The following KLHL32 variants were observed in gnomAD, a reference collection of about 807,000 sequenced individuals.
The protein encoded by KLHL32 is kelch-like protein 32.
Under a neutral mutation model 64.8 loss-of-function variants are expected in KLHL32, and 35 were observed. The ratio of observed to expected loss-of-function variants is 0.54; its 90% CI spans 0.41 to 0.72. KLHL32 has a LOEUF of 0.72. Ranked by LOEUF, KLHL32 falls within the 30% of genes least tolerant of loss-of-function variation. The probability of loss-of-function intolerance (pLI) is 0.00; values close to 1 mark genes in which losing one functional copy is unlikely to be tolerated. For synonymous variants in KLHL32, 259 were observed against 281.0 expected, an observed-to-expected ratio of 0.92 and a Z score of 0.78; for missense variants, 589 against 768.5, an observed-to-expected ratio of 0.77 and a Z score of 2.76.
chr6:97,112,350 T>C (rs777696649), intron 6 of KLHL32, among the ~76,000 whole-genome samples: 2 of 152,210 alleles, frequency 1.3e-5, no homozygotes, highest in Non-Finnish European at 2.9e-5. Context: ...TACTTCATTA[T>C]GCTGGTGTGT....
the KLHL32 span, among the ~76,000 whole-genome samples, chr6:96,909,259 A>C: frequency 6.6e-6 from 1 of 152,234 alleles, no homozygotes; most frequent in African/African-American, 2.4e-5. Flanking sequence ...AGAGATAGAC[A>C]GAAAAAAGAT....
chr6:97,057,172 C>CTTTTTTTTTTTTTTTTTT (rs199552121), intron 4 of KLHL32, among the ~76,000 whole-genome samples: 1 of 65,016 alleles, frequency 1.5e-5, no homozygotes, highest in African/African-American at 8.8e-5. Context: ...ATGTGAGTAT[C>CTTTTTTTTTTTTTTTTTT]TTTTTTTTTT....
chr6:96,907,996 G>T, the KLHL32 span, among the ~76,000 whole-genome samples: 1 of 152,212 alleles, frequency 6.6e-6, no homozygotes. Context: ...ACACCTGGGG[G>T]AAAAGAGTTC....
chr6:96,934,096 G>C (rs1337643720), intron 1 of KLHL32, among the ~76,000 whole-genome samples: 1 of 152,166 alleles, frequency 6.6e-6, no homozygotes, highest in East Asian at 1.9e-4. Flanking sequence ...CTCTGATACT[G>C]CTTTTGACTG....
chr6:96,992,456 A>G (rs1385617792), intron 3 of KLHL32, among the ~76,000 whole-genome samples: 1 of 151,522 alleles, frequency 6.6e-6, no homozygotes, highest in Non-Finnish European at 1.5e-5. Flanking sequence ...TTTACTCACT[A>G]CTCTCTTCTC....
chr6:96,918,525 T>A, the KLHL32 span, among the ~76,000 whole-genome samples: 1 of 152,208 alleles, frequency 6.6e-6, no homozygotes, highest in African/African-American at 2.4e-5. Flanking sequence ...AAGTGTCAGG[T>A]ACATTAATCT....
chr6:97,024,975 C>T, intron 3 of KLHL32: 1 of 984,160 alleles, frequency 1.0e-6, no homozygotes, highest in Non-Finnish European at 1.2e-6. Flanking sequence ...AATTTGCATT[C>T]ATGCTTATTT....
chr6:97,087,963 T>C (rs1393035063), intron 6 of KLHL32, among the ~76,000 whole-genome samples: 1 of 152,158 alleles, frequency 6.6e-6, no homozygotes, highest in Non-Finnish European at 1.5e-5. Flanking sequence ...ACCTGTAAAA[T>C]ACCCCAAGAT....
chr6:97,079,486 T>A (rs547428047), intron 5 of KLHL32, among the ~76,000 whole-genome samples: 2 of 152,330 alleles, frequency 1.3e-5, no homozygotes, highest in South Asian at 4.1e-4. Flanking sequence ...TTTCCCATAT[T>A]TTTACCCCTA....
chr6:96,984,507 G>C (rs1776748766), intron 3 of KLHL32, among the ~76,000 whole-genome samples: 1 of 152,194 alleles, frequency 6.6e-6, no homozygotes, highest in Non-Finnish European at 1.5e-5. Context: ...TTGTGTGGGA[G>C]TCTAAGTCTC....
chr6:96,976,319 A>G (rs2128044078), intron 3 of KLHL32, 142 bp downstream of exon 3: 1 of 752,190 alleles, frequency 1.3e-6, no homozygotes, highest in Non-Finnish European at 2.0e-6. Context: ...CCTGGGTAGA[A>G]TGCTTCCTGG....
intron 1 of KLHL32, among the ~76,000 whole-genome samples, chr6:96,939,044 A>G (rs1025834535): frequency 1.3e-5 from 2 of 152,080 alleles, no homozygotes; most frequent in Admixed American, 6.5e-5. Context: ...ACCACCATCT[A>G]CATTTTCCAT....
At chr6:96,976,345 T>G (rs1325934105) in intron 3 of KLHL32, among the ~76,000 whole-genome samples, 168 bp downstream of exon 3, 1 of 152,042 alleles carries the variant, frequency 6.6e-6, no homozygotes, top group East Asian at 1.9e-4. Context: ...CATTGGGTCC[T>G]CTCTGGGCAG....
rs1403656242 is a variant in KLHL32 at position 97,008,320 on chromosome 6, G to C, written c.204+32143G>C. 2.0e-5 allele frequency among the ~76,000 whole-genome samples: 3 copies of C among 152,130 alleles called. No individual in the cohort carries two copies. The East Asian group carries it at 5.8e-4, about 29-fold the overall frequency. ...AAGTTTTCCAGGAAGCACCCTGTTT[G>C]GGCATCTGAGGCTGCACTGCAAGTG... On this transcript the variant is annotated intron_variant, in intron 3 of 10. Transcript: ENST00000369261.
At chr6:97,004,395 T>C (rs1779411069) in intron 3 of KLHL32, among the ~76,000 whole-genome samples, 1 of 152,184 alleles carries the variant, frequency 6.6e-6, no homozygotes, top group Non-Finnish European at 1.5e-5. Flanking sequence ...TGTGAGGTTT[T>C]CTAAGTATAT....
At chr6:97,104,812 C>G (rs1796188236) in intron 6 of KLHL32, among the ~76,000 whole-genome samples, 1 of 152,192 alleles carries the variant, frequency 6.6e-6, no homozygotes, top group Non-Finnish European at 1.5e-5. Flanking sequence ...GGAAAATGCT[C>G]TGATGCTGCG....
At chr6:97,114,873 T>C (rs559623576) in intron 7 of KLHL32, among the ~76,000 whole-genome samples, 2 of 152,214 alleles carry the variant, frequency 1.3e-5, no homozygotes, top group Non-Finnish European at 2.9e-5. Context: ...CCTGGCTACC[T>C]GACTAGAGCC....
intron 6 of KLHL32, among the ~76,000 whole-genome samples, chr6:97,109,641 G>A (rs186014856): frequency 3.9e-5 from 6 of 152,314 alleles, no homozygotes; most frequent in Admixed American, 2.6e-4. Flanking sequence ...AAGATAAACC[G>A]GAGGGTGTTC....
chr6:96,938,841 T>C (rs1292578509), intron 1 of KLHL32, among the ~76,000 whole-genome samples: 1 of 152,196 alleles, frequency 6.6e-6, no homozygotes, highest in Non-Finnish European at 1.5e-5. Context: ...TATGTAAGTT[T>C]CATTGTCTAG....
Sources: gnomAD v4.1 joint callset for allele counts (sites outside exome capture counted in the v4.1 genomes callset) on GRCh38, gnomAD v4.1.1 for gene constraint, MANE v1.5 for transcripts, NCBI Gene and HGNC (gene_info 2026-07-23, HGNC 2026-07-21) for gene names.